ME1: variants seen among roughly 807,000 people sequenced by gnomAD.
ME1 encodes NADP-dependent malic enzyme.
Under a neutral mutation model 66.4 loss-of-function variants are expected in ME1, and 74 were observed. The observed-to-expected ratio is 1.11, with a 90% CI of 0.92 to 1.35. The LOEUF is 1.35. Among genes scored for constraint, ME1 ranks in the 40% most tolerant of loss-of-function variants. ME1 has a pLI of 0.00. For synonymous variants in ME1, 251 were observed against 235.6 expected (o/e 1.07, Z -0.60); for missense variants, 750 against 694.1 (o/e 1.08, Z -0.90).
intron 8 of ME1, 106 bp downstream of exon 8, chr6:83,239,433 A>G (rs1790471389): frequency 6.9e-6 from 5 of 723,500 alleles, no homozygotes. Context: ...CTACAGTCAT[A>G]ATATACTAAA....
At position 83,346,324 on chromosome 6, in the gene ME1, AC is replaced by A; in HGVS notation, c.448del (p.Val150Ter). 6.3e-7 allele frequency: 1 copy of A among 1,594,920 alleles called. No homozygotes were observed. The highest frequency in any genetic ancestry group is 8.5e-7 in the Non-Finnish European group (1 of 1,171,856). On this transcript the variant is annotated frameshift_variant, in exon 5 of 14. Transcript: ENST00000369705. LOFTEE classifies it high-confidence loss of function. ...GCCAAGAATACGCTCTCCATCAGTC[AC>A]CACAATGGCCTGGAAGAAAAAGAAA... ...WPEDVIKAIV[V>X]TDGERILGLG...
At chr6:83,401,587 C>A (rs757063111) in intron 2 of ME1, among the ~76,000 whole-genome samples, 5 of 152,094 alleles carry the variant, frequency 3.3e-5, no homozygotes, top group African/African-American at 7.2e-5. Context: ...GAGAAGGTTG[C>A]GAAGGAGTTT....
intron 3 of ME1, among the ~76,000 whole-genome samples, chr6:83,352,402 C>T (rs534804391): frequency 1.3e-5 from 2 of 152,066 alleles, no homozygotes; most frequent in South Asian, 4.1e-4. Context: ...AATTAATAAA[C>T]ATTTACTATT....
intron 6 of ME1, among the ~76,000 whole-genome samples, chr6:83,289,223 G>A (rs528747393): frequency 1.3e-5 from 2 of 152,322 alleles, no homozygotes; most frequent in South Asian, 4.1e-4. Context: ...TCCTTGTCTT[G>A]TGCTGGTTTT....
In ME1 at chr6:83,405,720, TTG is replaced by T. The variant is rs1336814033; in HGVS notation, c.212+2046_212+2047del. Reference sequence around the variant, plus strand: ...TTGAGAGTTTTTTTTGTTGTTGTTGTTGTTTTTTTTTTTTTTTTTGAGACGGA... The same window carrying T: ...TTGAGAGTTTTTTTTGTTGTTGTTGTTTTTTTTTTTTTTTTTTGAGACGGA... On this transcript the variant is annotated intron_variant, in intron 2 of 13. Coordinates refer to ENST00000369705, the MANE Select transcript of ME1 (RefSeq NM_002395.6). Among the ~76,000 whole-genome samples the T allele has an allele frequency of 1.0e-3, 149 of 145,388 alleles. 1 individual carries two copies. Among genetic ancestry groups the T allele is most frequent in the African/African-American group, 3.6e-3 (138 of 38,642 alleles).
chr6:83,238,797 AAAAT>A (rs1423901072), intron 8 of ME1, among the ~76,000 whole-genome samples: 14 of 54,340 alleles, frequency 2.6e-4, no homozygotes, highest in African/African-American at 9.8e-4. Context: ...AGTTTCTTGA[AAAAT>A]ATATATATAT....
chr6:83,255,474 T>C (rs184170075), intron 6 of ME1, among the ~76,000 whole-genome samples: 1 of 152,152 alleles, frequency 6.6e-6, no homozygotes, highest in Admixed American at 6.6e-5. Context: ...ATGAAATGCT[T>C]ACAACAGTCT....
intron 7 of ME1, among the ~76,000 whole-genome samples, chr6:83,250,424 C>T (rs1030835206): frequency 1.3e-5 from 2 of 152,154 alleles, no homozygotes; most frequent in African/African-American, 2.4e-5. Context: ...TGGTCAAAGT[C>T]CATAGCTAGT....
intron 3 of ME1, among the ~76,000 whole-genome samples, chr6:83,359,445 T>C (rs554262300): frequency 1.3e-5 from 2 of 152,212 alleles, no homozygotes; most frequent in East Asian, 3.9e-4. Context: ...GGAATAATGT[T>C]GGAAGGAAAA....
At chr6:83,233,106 C>A (rs1390388169) in intron 9 of ME1, among the ~76,000 whole-genome samples, 1 of 152,030 alleles carries the variant, frequency 6.6e-6, no homozygotes, top group East Asian at 1.9e-4. Flanking sequence ...AAAGATTAAA[C>A]CTGGTTTGTT....
intron 6 of ME1, among the ~76,000 whole-genome samples, chr6:83,283,227 C>CAAAAAAAAAA (rs71545854): frequency 8.3e-4 from 24 of 28,908 alleles, no homozygotes; most frequent in African/African-American, 2.2e-3. Context: ...GACTCCGTCT[C>CAAAAAAAAAA]AAAAAAAAAA....
chr6:83,401,743 T>A (rs545126357), intron 2 of ME1, among the ~76,000 whole-genome samples: 1 of 152,246 alleles, frequency 6.6e-6, no homozygotes, highest in East Asian at 1.9e-4. Flanking sequence ...GGACTTTCAC[T>A]CACCAAGGCC....
chr6:83,310,021 C>G (rs1309078856), intron 6 of ME1, among the ~76,000 whole-genome samples: 1 of 152,012 alleles, frequency 6.6e-6, no homozygotes, highest in Non-Finnish European at 1.5e-5. Flanking sequence ...GTTGAACAGG[C>G]CAGTACTAGG....
chr6:83,420,227 C>T (rs1199615681), intron 1 of ME1, among the ~76,000 whole-genome samples: 2 of 152,126 alleles, frequency 1.3e-5, no homozygotes, highest in African/African-American at 4.8e-5. Context: ...ACCGCCATGC[C>T]CAGCTAATTT....
intron 3 of ME1, among the ~76,000 whole-genome samples, chr6:83,381,360 T>C (rs1486357464): frequency 6.6e-6 from 1 of 151,780 alleles, no homozygotes; most frequent in East Asian, 1.9e-4. Context: ...GGGCTATAAA[T>C]AAAATGAACT....
chr6:83,369,626 A>G (rs1255613197), intron 3 of ME1, among the ~76,000 whole-genome samples: 2 of 151,472 alleles, frequency 1.3e-5, no homozygotes, highest in East Asian at 3.9e-4. Context: ...ACCTTGTCAG[A>G]AAAAGAAAAG....
intron 3 of ME1, among the ~76,000 whole-genome samples, chr6:83,361,858 C>T (rs1769011537): frequency 1.3e-5 from 2 of 152,128 alleles, no homozygotes; most frequent in African/African-American, 2.4e-5. Context: ...GGTGACTGGG[C>T]TCAAACAGGT....
At chr6:83,272,569 C>G (rs563839376) in intron 6 of ME1, among the ~76,000 whole-genome samples, 13 of 152,158 alleles carry the variant, frequency 8.5e-5, no homozygotes, top group African/African-American at 3.1e-4. Flanking sequence ...CAAATATTCC[C>G]ACGGTTCTAT....
chr6:83,253,886 T>C, intron 6 of ME1, 148 bp from the exon 7 acceptor site: 1 of 515,166 alleles, frequency 1.9e-6, no homozygotes, highest in East Asian at 2.9e-5. Flanking sequence ...TAATATAATA[T>C]CTGTTCAGCA....
Sources: allele counts gnomAD v4.1 joint callset (sites outside exome capture counted in the v4.1 genomes callset), GRCh38; gene constraint gnomAD v4.1.1; transcripts MANE v1.5; gene names NCBI Gene and HGNC (gene_info 2026-07-23, HGNC 2026-07-21).